The following SRD5A2 variants were observed in gnomAD, a reference collection of about 807,000 sequenced individuals.
SRD5A2 encodes steroid 5 alpha-reductase 2.
SRD5A2 carries 30 observed loss-of-function variants against 27.4 expected under a neutral mutation model. The observed-to-expected ratio is 1.10, with a 90% CI of 0.82 to 1.49. The LOEUF (loss-of-function observed/expected upper bound fraction) is 1.49, where lower values mean the gene tolerates loss of function less well. Among genes scored for constraint, SRD5A2 ranks in the 40% most tolerant of loss-of-function variants. The pLI, the probability that SRD5A2 is intolerant of heterozygous loss-of-function variation, is 0.00. For synonymous variants in SRD5A2, 141 were observed against 133.6 expected, an observed-to-expected ratio of 1.06 and a Z score of -0.38; for missense variants, 348 against 323.4, an observed-to-expected ratio of 1.08 and a Z score of -0.58.
At chr2:31,563,237 G>A (rs964527240) in intron 1 of SRD5A2, 2 of 152,044 alleles carry the variant, frequency 1.3e-5, no homozygotes, top group Admixed American at 1.3e-4. Context: ...ATGACATTGA[G>A]TACAAGTAGA....
At chr2:31,580,595 G>A in intron 1 of SRD5A2, 25 bp downstream of exon 1, 1 of 1,504,572 alleles carries the variant, frequency 6.6e-7, no homozygotes, top group Non-Finnish European at 8.9e-7. Flanking sequence ...CGCTGCACTG[G>A]GCGCCCGCAA....
intron 1 of SRD5A2, among the ~76,000 whole-genome samples, chr2:31,563,703 T>C (rs1265536487): frequency 6.6e-6 from 1 of 152,130 alleles, no homozygotes; most frequent in East Asian, 1.9e-4. Flanking sequence ...TGTTAATTCA[T>C]GCATTTGTGT....
chr2:31,542,907 C>T (rs1005600536), intron 1 of SRD5A2, among the ~76,000 whole-genome samples: 5 of 151,894 alleles, frequency 3.3e-5, no homozygotes, highest in Admixed American at 6.6e-5. Flanking sequence ...AAAAATTCTT[C>T]GAATTTGAAA....
chr2:31,635,611 T>TA, the SRD5A2 span, among the ~76,000 whole-genome samples: 1 of 152,098 alleles, frequency 6.6e-6, no homozygotes, highest in Non-Finnish European at 1.5e-5. Context: ...TTTGAGGTGT[T>TA]ATGCCAAAAA....
At chr2:31,634,305 C>T in the SRD5A2 span, among the ~76,000 whole-genome samples, 2 of 151,570 alleles carry the variant, frequency 1.3e-5, no homozygotes, top group African/African-American at 2.4e-5. Context: ...TACACTGAAA[C>T]ACAAAGAAAG....
rs1009092935 is a variant in SRD5A2 at position 31,522,652 on chromosome 2, T to C, written c.*3544A>G. 1.8e-5 allele frequency: 4 copies of C among 220,328 alleles called. No individual in the cohort carries two copies. The highest frequency in any genetic ancestry group is 9.0e-5 in the African/African-American group (4 of 44,602). 13.6% of individuals were successfully genotyped at this position (220,328 alleles called of 1,614,324 possible). On this transcript the variant is annotated 3_prime_UTR_variant, in exon 5 of 5. Transcript: ENST00000622030. ...TGTCTTACTTAGAAATTAAATCCAC[T>C]CGATGGCTTATTAAATCACCCAAGA...
chr2:31,643,881 A>G, the SRD5A2 span, among the ~76,000 whole-genome samples: 12 of 152,364 alleles, frequency 7.9e-5, no homozygotes, highest in Non-Finnish European at 1.2e-4. Context: ...CTTCCTTACA[A>G]TAGAATAGCA....
intron 1 of SRD5A2, among the ~76,000 whole-genome samples, chr2:31,538,470 G>A (rs138801036): frequency 2.0e-5 from 3 of 152,240 alleles, no homozygotes; most frequent in Non-Finnish European, 4.4e-5. Flanking sequence ...ATTTGTAAAA[G>A]CCTCCTCATT....
At chr2:31,630,347 G>A in the SRD5A2 span, among the ~76,000 whole-genome samples, 11 of 152,168 alleles carry the variant, frequency 7.2e-5, no homozygotes, top group Non-Finnish European at 1.5e-4. Flanking sequence ...AAGAGAGGGA[G>A]AGAGAGAAAA....
chr2:31,661,217 T>C, the SRD5A2 span, among the ~76,000 whole-genome samples: 1 of 152,182 alleles, frequency 6.6e-6, no homozygotes, highest in African/African-American at 2.4e-5. Flanking sequence ...TTTTTGAACA[T>C]ACCATTTCCA....
the SRD5A2 span, among the ~76,000 whole-genome samples, chr2:31,612,912 T>C: frequency 1.3e-5 from 2 of 152,150 alleles, no homozygotes; most frequent in Admixed American, 6.5e-5. Flanking sequence ...GAACACACCA[T>C]AGGGAAAGAA....
chr2:31,614,414 G>T, the SRD5A2 span, among the ~76,000 whole-genome samples: 1 of 152,206 alleles, frequency 6.6e-6, no homozygotes, highest in African/African-American at 2.4e-5. Flanking sequence ...GTGGGCTCCT[G>T]TGGCCTTGGG....
the SRD5A2 span, among the ~76,000 whole-genome samples, chr2:31,654,844 T>G: frequency 3.9e-5 from 6 of 152,176 alleles, no homozygotes; most frequent in African/African-American, 1.4e-4. Flanking sequence ...AATCCTCTTC[T>G]CTGGTCACAC....
chr2:31,655,137 T>G, the SRD5A2 span, among the ~76,000 whole-genome samples: 1 of 152,182 alleles, frequency 6.6e-6, no homozygotes, highest in Non-Finnish European at 1.5e-5. Flanking sequence ...GTTTCACCCT[T>G]GTCTCCCAGG....
chr2:31,593,410 A>T, the SRD5A2 span, among the ~76,000 whole-genome samples: 4 of 152,152 alleles, frequency 2.6e-5, no homozygotes, highest in Non-Finnish European at 5.9e-5. Flanking sequence ...AAGGTTCAAC[A>T]ATAGACTCAA....
the SRD5A2 span, among the ~76,000 whole-genome samples, chr2:31,632,041 T>A: frequency 1.3e-5 from 2 of 152,078 alleles, no homozygotes; most frequent in Admixed American, 1.3e-4. Flanking sequence ...TACCTCTCTC[T>A]CACCTGACTC....
chr2:31,549,960 T>C (rs2148077979), intron 1 of SRD5A2, among the ~76,000 whole-genome samples: 1 of 152,252 alleles, frequency 6.6e-6, no homozygotes, highest in East Asian at 1.9e-4. Flanking sequence ...CAAGTGGCCA[T>C]GGGATATATA....
At chr2:31,662,213 C>G in the SRD5A2 span, among the ~76,000 whole-genome samples, 1 of 152,168 alleles carries the variant, frequency 6.6e-6, no homozygotes, top group East Asian at 1.9e-4. Context: ...TTCTGTATTA[C>G]CTATTGAACA....
At chr2:31,570,788 A>G (rs1293061634) in intron 1 of SRD5A2, among the ~76,000 whole-genome samples, 1 of 152,242 alleles carries the variant, frequency 6.6e-6, no homozygotes, top group African/African-American at 2.4e-5. Context: ...TGCAGCAAAG[A>G]GAATAAAATA....
Sources: gnomAD v4.1 joint callset for allele counts (sites outside exome capture counted in the v4.1 genomes callset) on GRCh38, gnomAD v4.1.1 for gene constraint, MANE v1.5 for transcripts, NCBI Gene and HGNC (gene_info 2026-07-23, HGNC 2026-07-21) for gene names.